Variants in ANKRD55 observed in about 807,000 individuals in gnomAD.
ANKRD55 encodes the protein ankyrin repeat domain-containing protein 55.
A neutral mutation model predicts 60.6 loss-of-function variants in ANKRD55; 41 were observed. The ratio of observed to expected loss-of-function variants is 0.68; its 90% CI spans 0.53 to 0.88. ANKRD55 has a LOEUF of 0.88. Among genes scored for constraint, ANKRD55 ranks in the 40% least tolerant of loss-of-function variants. The probability of loss-of-function intolerance (pLI) is 0.00; values close to 1 mark genes in which losing one functional copy is unlikely to be tolerated. For synonymous variants in ANKRD55, 264 were observed against 290.3 expected, an observed-to-expected ratio of 0.91 and a Z score of 0.92; for missense variants, 732 against 767.6, an observed-to-expected ratio of 0.95 and a Z score of 0.55.
At position 56,161,492 on chromosome 5, in the gene ANKRD55, T is replaced by C. The variant is rs111326956; in HGVS notation, c.423-1599A>G. On this transcript the variant is annotated intron_variant, in intron 5 of 11. Transcript: ENST00000341048. ...CTAAGTATTAAATTGTTACTTGCAA[T>C]AGAAGAAAAGAAAGATCCACTAATC... 7.1e-3 allele frequency among the ~76,000 whole-genome samples: 1,084 copies of C among 152,318 alleles called. 6 individuals carry two copies. Among genetic ancestry groups the C allele is most frequent in the Non-Finnish European group, 0.011 (768 of 68,022 alleles).
At chr5:56,117,592 G>A (rs1234963537) in intron 8 of ANKRD55, among the ~76,000 whole-genome samples, 1 of 151,964 alleles carries the variant, frequency 6.6e-6, no homozygotes, top group Non-Finnish European at 1.5e-5. Flanking sequence ...TAGCTGAGAT[G>A]ACAGGCACAT....
chr5:56,155,617 T>G (rs1758171820), intron 6 of ANKRD55, among the ~76,000 whole-genome samples: 1 of 152,166 alleles, frequency 6.6e-6, no homozygotes. Context: ...TCTGTTGACC[T>G]AGTACAGGAG....
intron 3 of ANKRD55, among the ~76,000 whole-genome samples, chr5:56,177,328 A>C (rs966373682): frequency 6.6e-6 from 1 of 152,112 alleles, no homozygotes; most frequent in Non-Finnish European, 1.5e-5. Flanking sequence ...ATGTCTTAAA[A>C]TAGTTGCAAA....
At chr5:56,149,327 C>T (rs1211443681) in intron 6 of ANKRD55, among the ~76,000 whole-genome samples, 1 of 152,142 alleles carries the variant, frequency 6.6e-6, no homozygotes, top group African/African-American at 2.4e-5. Flanking sequence ...TCTTTAAAAA[C>T]TCTCACTTTC....
At chr5:56,104,922 T>A (rs1232197486) in intron 10 of ANKRD55, among the ~76,000 whole-genome samples, 2 of 152,156 alleles carry the variant, frequency 1.3e-5, no homozygotes, top group African/African-American at 4.8e-5. Context: ...ATAGACCTTG[T>A]TCCAGTATCT....
At chr5:56,179,511 T>C (rs537509230) in intron 3 of ANKRD55, among the ~76,000 whole-genome samples, 11 of 152,282 alleles carry the variant, frequency 7.2e-5, no homozygotes, top group Non-Finnish European at 1.5e-4. Context: ...AAGGAAAAGA[T>C]TGCAAATTGT....
chr5:56,227,231 C>G (rs550910698), intron 2 of ANKRD55, among the ~76,000 whole-genome samples: 6 of 151,674 alleles, frequency 4.0e-5, no homozygotes, highest in Admixed American at 1.3e-4. Context: ...AGCAAACTAT[C>G]GCAAGGACAG....
At chr5:56,110,890 G>A in intron 10 of ANKRD55, 1 of 564,228 alleles carries the variant, frequency 1.8e-6, no homozygotes, top group Non-Finnish European at 3.1e-6. Flanking sequence ...GAGATGAGAA[G>A]GCACATATTT....
intron 7 of ANKRD55, among the ~76,000 whole-genome samples, chr5:56,136,504 G>T (rs1028966869): frequency 6.6e-6 from 1 of 152,124 alleles, no homozygotes; most frequent in Non-Finnish European, 1.5e-5. Flanking sequence ...ATAAAGAAGA[G>T]GTAGTTGTTT....
intron 6 of ANKRD55, among the ~76,000 whole-genome samples, chr5:56,147,249 T>C (rs1757921228): frequency 6.6e-6 from 1 of 152,186 alleles, no homozygotes; most frequent in South Asian, 2.1e-4. Flanking sequence ...ACTGAGTCCA[T>C]GGTAGAGCTA....
chr5:56,227,137 A>G (rs540490361), intron 2 of ANKRD55, among the ~76,000 whole-genome samples: 93 of 152,270 alleles, frequency 6.1e-4, no homozygotes, highest in African/African-American at 2.0e-3. Context: ...GCATGTATAC[A>G]CCATGGAATA....
At chr5:56,123,163 TCTC>T (rs141958657) in intron 8 of ANKRD55, among the ~76,000 whole-genome samples, 3,287 of 151,984 alleles carry the variant, frequency 0.022, 153 homozygotes, top group African/African-American at 0.076. Flanking sequence ...ATGGAAGACC[TCTC>T]CTCAGCCTTG....
Position 56,143,860 on chromosome 5 carries a change from C to T in ANKRD55, c.553G>A (p.Gly185Arg). The T allele has an allele frequency of 6.2e-7, 1 of 1,614,176 alleles. No individual in the cohort carries two copies. The highest frequency in any genetic ancestry group is 1.7e-5 in the Admixed American group (1 of 60,024). ...PQHTQMLLKKGADPTLVDKDF... is the reference protein window; with the variant it reads ...PQHTQMLLKKRADPTLVDKDF... ...TTATCCACAAGGGTGGGGTCTGCCC[C>T]CTTCTTCAGCAGCATTTGTGTGTGT... The change falls in exon 7 of 12, where the codon GGG (glycine) becomes AGG (arginine). Residue 185 changes from glycine to arginine, a missense_variant. Gly to Arg is a moderately radical substitution (Grantham distance 125, BLOSUM62 -2). Transcript: ENST00000341048.
At chr5:56,101,239 A>G (rs1373035633) in intron 11 of ANKRD55, among the ~76,000 whole-genome samples, 1 of 152,202 alleles carries the variant, frequency 6.6e-6, no homozygotes, top group East Asian at 1.9e-4. Flanking sequence ...CAAGTGTTTT[A>G]CATATGTTAT....
At chr5:56,173,584 A>ATATC (rs1758667297) in intron 4 of ANKRD55, among the ~76,000 whole-genome samples, 1 of 96,770 alleles carries the variant, frequency 1.0e-5, no homozygotes, top group Non-Finnish European at 2.0e-5. Context: ...CTCTCTCTCT[A>ATATC]TATATATATA....
Position 56,170,690 on chromosome 5 carries a change from T to C in ANKRD55, c.422+4A>G, listed in dbSNP as rs750100130. The C allele has an allele frequency of 4.3e-6, 7 of 1,613,644 alleles. No individual in the cohort carries two copies. The African/African-American group carries it at 8.0e-5, about 18-fold the overall frequency. On this transcript the variant is annotated splice_donor_region_variant and intron_variant, in intron 5 of 11. Transcript: ENST00000341048. Reference sequence around the variant, plus strand: ...TTGAGCATCATGTAAACCTGGCCACTTACCTCATATCGGGCTCAGCAGTGG... The same window carrying C: ...TTGAGCATCATGTAAACCTGGCCACCTACCTCATATCGGGCTCAGCAGTGG...
intron 2 of ANKRD55, among the ~76,000 whole-genome samples, chr5:56,199,216 T>C (rs1561289461): frequency 1.3e-5 from 2 of 152,216 alleles, no homozygotes. Flanking sequence ...TCTAAAGTTT[T>C]AGGGTTGAAT....
rs1460114369 is a variant in ANKRD55 at position 56,168,366 on chromosome 5, T to G, written c.422+2328A>C. Among the ~76,000 whole-genome samples, 6 of 152,286 alleles carry G rather than the reference T, an allele frequency of 3.9e-5. No homozygotes were observed. The South Asian group carries it at 1.2e-3, about 32-fold the overall frequency. On this transcript the variant is annotated intron_variant, in intron 5 of 11. Transcript: ENST00000341048. ...GCATTCTGAGTAGAATGATGAAATC[T>G]GCCGCTAACTACACTCCGCTCTCAT...
rs370610591 is a variant in ANKRD55 at position 56,133,388 on chromosome 5, GA to G, written c.613-6283del. On this transcript the variant is annotated intron_variant, in intron 7 of 11. Transcript: ENST00000341048. ...TAGGAGGCGGAGGTTGTAGTGAGCC[GA>G]GATTGTGCCACTGCACTCCAGCCTG... is the stretch of plus-strand genomic sequence containing the variant. Among the ~76,000 whole-genome samples the G allele has an allele frequency of 2.0e-3, 287 of 147,156 alleles. 31 individuals are homozygous for G. The highest frequency in any genetic ancestry group is 7.1e-3 in the African/African-American group (280 of 39,662).
Sources: gnomAD v4.1 joint callset for allele counts (sites outside exome capture counted in the v4.1 genomes callset) on GRCh38, gnomAD v4.1.1 for gene constraint, MANE v1.5 for transcripts, NCBI Gene and HGNC (gene_info 2026-07-23, HGNC 2026-07-21) for gene names.